The following SPTBN1 variants were observed in gnomAD, a reference collection of about 807,000 sequenced individuals.
SPTBN1 encodes spectrin beta chain, non-erythrocytic 1.
SPTBN1 carries 32 observed loss-of-function variants against 266.4 expected under a neutral mutation model. That is an observed-to-expected ratio of 0.12 (90% CI 0.09 to 0.16). The LOEUF is 0.16. Ranked by LOEUF, SPTBN1 falls within the 10% of genes least tolerant of loss-of-function variation. The probability of loss-of-function intolerance (pLI) is 1.00; values close to 1 mark genes in which losing one functional copy is unlikely to be tolerated. For missense variants in SPTBN1, 2,296 were observed against 3,067.1 expected, an observed-to-expected ratio of 0.75 and a Z score of 5.94; for synonymous variants, 1,336 against 1,162.2, an observed-to-expected ratio of 1.15 and a Z score of -3.04.
At position 54,558,004 on chromosome 2, in the gene SPTBN1, C is replaced by A; in HGVS notation, c.148+31438C>A. 3 of 985,340 alleles carry A rather than the reference C, an allele frequency of 3.0e-6. No homozygotes were observed. The East Asian group carries it at 3.4e-4, about 112-fold the overall frequency. The allele number at this position is 985,340 out of a possible 1,614,324, so 61.0% of individuals were successfully genotyped here. Reference sequence around the variant, plus strand: ...GACGCTAGAGAGTGAATGAGCCGCGCGGGCCCGGGACCCTTGGGGCTCTTC... The same window carrying A: ...GACGCTAGAGAGTGAATGAGCCGCGAGGGCCCGGGACCCTTGGGGCTCTTC... On this transcript the variant is annotated intron_variant, in intron 2 of 35. Coordinates refer to ENST00000356805, the MANE Select transcript of SPTBN1 (RefSeq NM_003128.3). The surrounding 1 kb of genome is among the most constrained non-coding windows in gnomAD (Gnocchi z 4.6).
intron 1 of SPTBN1, among the ~76,000 whole-genome samples, chr2:54,498,796 T>G (rs899454374): frequency 1.3e-5 from 2 of 152,206 alleles, no homozygotes; most frequent in Non-Finnish European, 2.9e-5. Flanking sequence ...CTGGAGCCCG[T>G]ACTTTATGCC....
chr2:54,647,027 C>T (rs1679969521), intron 23 of SPTBN1, 104 bp from the exon 24 acceptor site: 4 of 1,555,662 alleles, frequency 2.6e-6, no homozygotes, highest in Non-Finnish European at 3.5e-6. Flanking sequence ...GTTTTTCTTT[C>T]TACTGATCCT....
At chr2:54,658,599 C>T (rs1376758925) in intron 30 of SPTBN1, among the ~76,000 whole-genome samples, 1 of 152,168 alleles carries the variant, frequency 6.6e-6, no homozygotes, top group Non-Finnish European at 1.5e-5. Context: ...GTTTCCAGTT[C>T]TGGGTGTTTA....
chr2:54,561,143 G>C (rs187160448), intron 2 of SPTBN1, among the ~76,000 whole-genome samples: 6 of 152,224 alleles, frequency 3.9e-5, no homozygotes, highest in Non-Finnish European at 8.8e-5. Context: ...ACTGTATTGG[G>C]TTTTTTGTTT....
At chr2:54,597,728 G>A (rs892341422) in intron 2 of SPTBN1, among the ~76,000 whole-genome samples, 4 of 152,194 alleles carry the variant, frequency 2.6e-5, no homozygotes, top group African/African-American at 9.7e-5. Flanking sequence ...GTGTTGGGCT[G>A]TTTGCTGTCC....
intron 2 of SPTBN1, among the ~76,000 whole-genome samples, chr2:54,568,349 C>CAAAAAAAAAAAAA (rs888478845): frequency 1.0e-5 from 1 of 95,692 alleles, no homozygotes; most frequent in African/African-American, 4.1e-5. Context: ...GACTCTGTCT[C>CAAAAAAAAAAAAA]AAAAAAAAAA....
At chr2:54,537,858 G>A (rs1671700599) in intron 2 of SPTBN1, among the ~76,000 whole-genome samples, 1 of 152,164 alleles carries the variant, frequency 6.6e-6, no homozygotes, top group Non-Finnish European at 1.5e-5. Flanking sequence ...TATTAGGGGT[G>A]TTTGGGAGAA....
At chr2:54,618,771 G>T (rs1303304540) in intron 7 of SPTBN1, among the ~76,000 whole-genome samples, 2 of 152,146 alleles carry the variant, frequency 1.3e-5, no homozygotes, top group African/African-American at 4.8e-5. Context: ...GTTTAAATGA[G>T]GAAGGCACCT....
At chr2:54,499,422 G>C (rs952099703) in intron 1 of SPTBN1, among the ~76,000 whole-genome samples, 7 of 152,128 alleles carry the variant, frequency 4.6e-5, no homozygotes, top group Non-Finnish European at 5.9e-5. Flanking sequence ...AAAGTGAGAG[G>C]CTTTTGAACC....
At chr2:54,470,922 T>C (rs893315578) in intron 1 of SPTBN1, among the ~76,000 whole-genome samples, 54 of 152,360 alleles carry the variant, frequency 3.5e-4, no homozygotes, top group African/African-American at 1.3e-3. Context: ...CACAAATTTG[T>C]AAACTTTCTT....
rs1464816054 is a variant in SPTBN1, at chr2:54,670,403, C to T, written c.*1834C>T. ...TGTCCAGTAAGTTATTCCACAAAGA[C>T]CATGCCTAAGGTGGCATCAGCCCTG... is the stretch of plus-strand genomic sequence containing the variant. On this transcript the variant is annotated 3_prime_UTR_variant, in exon 36 of 36. Transcript: ENST00000356805. 6.5e-6 allele frequency: 2 copies of T among 307,212 alleles called. No homozygotes were observed. Among genetic ancestry groups the T allele is most frequent in the Admixed American group, 5.0e-5 (1 of 19,902 alleles). The allele number at this position is 307,212 out of a possible 1,614,324, so 19.0% of individuals were successfully genotyped here. A position where few individuals can be genotyped will look rare whatever the true frequency, so the allele number is the denominator to read the frequency against.
chr2:54,621,353 G>A lies in SPTBN1; in HGVS notation c.764-47G>A, dbSNP rs1362772003. ...CATTTGTTCCTGCTACCTGGGTGGG[G>A]CACAGTAGCATGCAACACACTGAAC... is the stretch of plus-strand genomic sequence containing the variant. On this transcript the variant is annotated intron_variant, in intron 7 of 35. Transcript: ENST00000356805. The A allele has an allele frequency of 5.0e-6, 7 of 1,388,548 alleles. No individual in the cohort carries two copies. The Admixed American group carries it at 1.0e-4, about 21-fold the overall frequency. 86.0% of individuals were successfully genotyped at this position (1,388,548 alleles called of 1,614,324 possible). A position where few individuals can be genotyped will look rare whatever the true frequency, so the allele number is the denominator to read the frequency against.
At chr2:54,531,683 G>A (rs1289744312) in intron 2 of SPTBN1, among the ~76,000 whole-genome samples, 2 of 151,400 alleles carry the variant, frequency 1.3e-5, no homozygotes, top group African/African-American at 2.4e-5. Context: ...ACAATGAATC[G>A]GCCAGCAATC....
intron 17 of SPTBN1, among the ~76,000 whole-genome samples, chr2:54,633,109 T>C (rs1678865868): frequency 6.6e-6 from 1 of 152,136 alleles, no homozygotes; most frequent in Non-Finnish European, 1.5e-5. Flanking sequence ...TGTCACCTGA[T>C]AGGACCCCTG....
chr2:54,501,870 T>C (rs747888376), intron 1 of SPTBN1, among the ~76,000 whole-genome samples: 30 of 152,182 alleles, frequency 2.0e-4, no homozygotes, highest in Non-Finnish European at 3.2e-4. Context: ...GAGCAACTAG[T>C]GTGTATAGAG....
intron 2 of SPTBN1, among the ~76,000 whole-genome samples, chr2:54,572,044 G>C (rs965911261): frequency 2.0e-5 from 3 of 151,614 alleles, no homozygotes; most frequent in Non-Finnish European, 4.4e-5. Context: ...CTCAAATTTA[G>C]GGAACTCTTG....
chr2:54,641,200 T>C (rs1679526015), intron 18 of SPTBN1, among the ~76,000 whole-genome samples: 1 of 152,242 alleles, frequency 6.6e-6, no homozygotes, highest in African/African-American at 2.4e-5. Context: ...CATAGATCCA[T>C]TTCATTGTGC....
intron 2 of SPTBN1, among the ~76,000 whole-genome samples, chr2:54,585,145 A>T (rs1019916398): frequency 3.9e-5 from 6 of 152,236 alleles, no homozygotes; most frequent in African/African-American, 1.4e-4. Flanking sequence ...AGAAAATTAA[A>T]TTTAGACAGA....
intron 3 of SPTBN1, among the ~76,000 whole-genome samples, chr2:54,605,227 T>TAA (rs1235310283): frequency 2.0e-5 from 3 of 152,230 alleles, no homozygotes; most frequent in African/African-American, 7.2e-5. Context: ...AATAGCTCTT[T>TAA]AAAAAAATGA....
Sources: gnomAD v4.1 joint callset for allele counts (sites outside exome capture counted in the v4.1 genomes callset) on GRCh38, gnomAD v4.1.1 for gene constraint, Gnocchi (gnomAD v3.1) non-coding constraint, MANE v1.5 for transcripts, NCBI Gene and HGNC (gene_info 2026-07-23, HGNC 2026-07-21) for gene names.